Variants in VAV2 observed in about 807,000 individuals in gnomAD.
VAV2 encodes the protein vav guanine nucleotide exchange factor 2, also known as guanine nucleotide exchange factor VAV2.
In VAV2, 67 loss-of-function variants were observed where a neutral mutation model predicts 132.5. That is an observed-to-expected ratio of 0.51 (90% CI 0.42 to 0.62). The LOEUF is 0.62. Among genes scored for constraint, VAV2 ranks in the 20% least tolerant of loss-of-function variants. The probability of loss-of-function intolerance (pLI) is 0.00; values close to 1 mark genes in which losing one functional copy is unlikely to be tolerated. For synonymous variants in VAV2, 492 were observed against 443.5 expected (o/e 1.11, Z -1.37); for missense variants, 938 against 1,153.6 (o/e 0.81, Z 2.71).
Position 133,851,893 on chromosome 9 carries a change from ATGGATGGATGGATGGG to A in VAV2, c.380+9465_380+9480del, listed in dbSNP as rs1241164706. On this transcript the variant is annotated intron_variant, in intron 3 of 29. Transcript: ENST00000371850. ...GGTGAATAAATGGATGGATGCATGG[ATGGATGGATGGATGGG>A]TGGATGGATGGATGGATGGATGGAT... Among the ~76,000 whole-genome samples the A allele has an allele frequency of 1.9e-3, 273 of 147,070 alleles. 1 individual carries two copies. The highest frequency in any genetic ancestry group is 6.5e-3 in the African/African-American group (246 of 37,908).
chr9:133,766,495 C>G (rs561830128), intron 29 of VAV2, among the ~76,000 whole-genome samples: 36 of 151,972 alleles, frequency 2.4e-4, no homozygotes, highest in Admixed American at 2.2e-3. Flanking sequence ...AAGCTGGAAA[C>G]CATCATTCTC....
chr9:133,975,205 G>A (rs913100151), intron 1 of VAV2, among the ~76,000 whole-genome samples: 3 of 151,894 alleles, frequency 2.0e-5, no homozygotes, highest in Non-Finnish European at 2.9e-5. Context: ...AGCCTGCCCC[G>A]GCACCCCCGC....
chr9:133,810,720 G>A (rs1452107962), intron 5 of VAV2, among the ~76,000 whole-genome samples: 3 of 135,178 alleles, frequency 2.2e-5, no homozygotes, highest in Admixed American at 7.2e-5. Flanking sequence ...TTTCACATGC[G>A]TTTTCTCAAA....
intron 9 of VAV2, among the ~76,000 whole-genome samples, chr9:133,803,356 T>C (rs556374759): frequency 4.5e-4 from 69 of 152,196 alleles, no homozygotes; most frequent in Admixed American, 9.8e-4. Flanking sequence ...TCGTTCCCTT[T>C]CTAGCTCTCC....
chr9:133,819,976 T>C (rs1051680829), intron 4 of VAV2, among the ~76,000 whole-genome samples: 8 of 152,226 alleles, frequency 5.3e-5, no homozygotes, highest in African/African-American at 1.9e-4. Flanking sequence ...GTAATTAAGA[T>C]AAAAACCTAC....
intron 4 of VAV2, among the ~76,000 whole-genome samples, chr9:133,818,824 A>G (rs1010272709): frequency 1.3e-5 from 2 of 151,810 alleles, no homozygotes; most frequent in African/African-American, 4.8e-5. Flanking sequence ...GCGTTTGGTG[A>G]TTTCTTTCTT....
rs2131947464 is a variant in VAV2, at chr9:133,883,896, G to A, written c.322-22464C>T. 6.6e-6 allele frequency among the ~76,000 whole-genome samples: 1 copy of A among 152,300 alleles called. No homozygotes were observed. The highest frequency in any genetic ancestry group is 6.5e-5 in the Admixed American group (1 of 15,296). Reference sequence around the variant, plus strand: ...TATACCTGTAATCCCAGCACTTTGGGAGGCTGAGGCAGGCAGATCACAAGG... The same window carrying A: ...TATACCTGTAATCCCAGCACTTTGGAAGGCTGAGGCAGGCAGATCACAAGG... On this transcript the variant is annotated intron_variant, in intron 2 of 29. Coordinates refer to ENST00000371850, the MANE Select transcript of VAV2 (RefSeq NM_001134398.2). The surrounding 1 kb of genome is among the most constrained non-coding windows in gnomAD (Gnocchi z 4.2).
intron 1 of VAV2, among the ~76,000 whole-genome samples, chr9:133,962,551 G>C (rs1193857811): frequency 6.6e-6 from 1 of 152,090 alleles, no homozygotes; most frequent in Non-Finnish European, 1.5e-5. Flanking sequence ...CTGCAGATCA[G>C]GGTACCCTGG....
intron 2 of VAV2, among the ~76,000 whole-genome samples, chr9:133,877,432 T>G (rs1488545567): frequency 6.6e-6 from 1 of 152,174 alleles, no homozygotes; most frequent in Non-Finnish European, 1.5e-5. Context: ...AGCCAGTGCT[T>G]GTGTTCTGGG....
chr9:133,837,505 T>C (rs998766031), intron 3 of VAV2, among the ~76,000 whole-genome samples: 3 of 152,080 alleles, frequency 2.0e-5, no homozygotes, highest in African/African-American at 7.2e-5. Flanking sequence ...GAGACCAACC[T>C]GACCAATACG....
At chr9:133,777,270 G>C in intron 23 of VAV2, 119 bp downstream of exon 23, 1 of 995,904 alleles carries the variant, frequency 1.0e-6, no homozygotes, top group East Asian at 2.4e-5. Flanking sequence ...GCTCACAGCA[G>C]CCTAAATTTA....
chr9:133,938,018 C>T (rs1367683814), intron 2 of VAV2, among the ~76,000 whole-genome samples: 1 of 152,226 alleles, frequency 6.6e-6, no homozygotes, highest in African/African-American at 2.4e-5. Flanking sequence ...TGAGGCCGTG[C>T]AGCACTTCCA....
chr9:133,973,715 G>T (rs922147417), intron 1 of VAV2, among the ~76,000 whole-genome samples: 2 of 152,176 alleles, frequency 1.3e-5, no homozygotes, highest in African/African-American at 4.8e-5. Flanking sequence ...TGACGCCCTC[G>T]CCCTTTGTCC....
At chr9:133,765,524 T>C (rs1348368692) in intron 29 of VAV2, among the ~76,000 whole-genome samples, 1 of 152,176 alleles carries the variant, frequency 6.6e-6, no homozygotes, top group Non-Finnish European at 1.5e-5. Flanking sequence ...TGGCTCAAAC[T>C]CTTCAAAAGT....
intron 3 of VAV2, among the ~76,000 whole-genome samples, chr9:133,837,763 C>T (rs182833556): frequency 6.2e-4 from 94 of 151,526 alleles, no homozygotes; most frequent in Middle Eastern, 3.4e-3. Flanking sequence ...CTATGATTGT[C>T]GTAATTTTCC....
At chr9:133,906,424 G>A (rs898296184) in intron 2 of VAV2, among the ~76,000 whole-genome samples, 5 of 152,208 alleles carry the variant, frequency 3.3e-5, no homozygotes, top group East Asian at 3.9e-4. Flanking sequence ...CCGGGGAGCC[G>A]CCCCCGCCCT....
At chr9:133,950,643 G>A (rs1171063328) in intron 1 of VAV2, among the ~76,000 whole-genome samples, 4 of 152,102 alleles carry the variant, frequency 2.6e-5, no homozygotes, top group Admixed American at 6.5e-5. Flanking sequence ...GCCGGCTTCC[G>A]AGTGCCGGAG....
chr9:133,909,476 C>T (rs1319599599), intron 2 of VAV2, among the ~76,000 whole-genome samples: 1 of 152,198 alleles, frequency 6.6e-6, no homozygotes, highest in African/African-American at 2.4e-5. Context: ...AGCTAAATAC[C>T]ATCCAGCTAT....
At chr9:133,811,977 G>T in intron 5 of VAV2, 137 bp downstream of exon 5, 1 of 831,700 alleles carries the variant, frequency 1.2e-6, no homozygotes, top group Middle Eastern at 2.7e-4. Flanking sequence ...GTGCACCTCT[G>T]GACGTCCCCC....
Sources: gnomAD v4.1 joint callset for allele counts (sites outside exome capture counted in the v4.1 genomes callset) on GRCh38, gnomAD v4.1.1 for gene constraint, Gnocchi (gnomAD v3.1) non-coding constraint, MANE v1.5 for transcripts, NCBI Gene and HGNC (gene_info 2026-07-23, HGNC 2026-07-21) for gene names.